SAMD5: variants seen among roughly 807,000 people sequenced by gnomAD.
SAMD5 encodes sterile alpha motif domain-containing protein 5.
A neutral mutation model predicts 11.3 loss-of-function variants in SAMD5; 13 were observed. The ratio of observed to expected loss-of-function variants is 1.15; its 90% CI spans 0.75 to 1.83. SAMD5 has a LOEUF of 1.83. SAMD5 is among the 40% of genes most tolerant of loss of function. The probability of loss-of-function intolerance (pLI) is 0.00; values close to 1 mark genes in which losing one functional copy is unlikely to be tolerated. For synonymous variants in SAMD5, 129 were observed against 111.3 expected, an observed-to-expected ratio of 1.16 and a Z score of -1.00; for missense variants, 255 against 239.1, an observed-to-expected ratio of 1.07 and a Z score of -0.44.
the SAMD5 span, among the ~76,000 whole-genome samples, chr6:147,833,897 T>C: frequency 6.6e-6 from 1 of 152,196 alleles, no homozygotes; most frequent in Non-Finnish European, 1.5e-5. Context: ...ATTGGTCCTC[T>C]GTCTCCAGTG....
chr6:147,933,693 T>G, the SAMD5 span, among the ~76,000 whole-genome samples: 3 of 148,766 alleles, frequency 2.0e-5, no homozygotes, highest in Admixed American at 2.0e-4. Flanking sequence ...CAAATGCCAC[T>G]TTTTAATATC....
At chr6:147,842,553 A>G in the SAMD5 span, among the ~76,000 whole-genome samples, 1 of 152,080 alleles carries the variant, frequency 6.6e-6, no homozygotes, top group Non-Finnish European at 1.5e-5. Flanking sequence ...CTAGAACCAT[A>G]CGAAATAAAT....
intron 1 of SAMD5, among the ~76,000 whole-genome samples, chr6:147,592,535 T>C (rs1415882425): frequency 1.3e-5 from 2 of 151,962 alleles, no homozygotes; most frequent in Non-Finnish European, 2.9e-5. Flanking sequence ...TGAACATAAT[T>C]TAAAGAATGA....
chr6:147,787,192 T>A, the SAMD5 span, among the ~76,000 whole-genome samples: 1 of 152,144 alleles, frequency 6.6e-6, no homozygotes, highest in Non-Finnish European at 1.5e-5. Context: ...AATCTCTCAA[T>A]GAAATGGCTA....
At chr6:147,684,997 T>C (rs1345408783) in intron 1 of SAMD5, among the ~76,000 whole-genome samples, 1 of 152,118 alleles carries the variant, frequency 6.6e-6, no homozygotes, top group African/African-American at 2.4e-5. Flanking sequence ...TTCTCTTTCT[T>C]TGTAAAAAAA....
At chr6:147,777,010 C>A in the SAMD5 span, among the ~76,000 whole-genome samples, 1 of 152,160 alleles carries the variant, frequency 6.6e-6, no homozygotes, top group Non-Finnish European at 1.5e-5. Flanking sequence ...AATCACCTCC[C>A]CAACTTGATT....
At chr6:147,811,726 A>G in the SAMD5 span, among the ~76,000 whole-genome samples, 3 of 152,146 alleles carry the variant, frequency 2.0e-5, no homozygotes, top group Non-Finnish European at 4.4e-5. Flanking sequence ...AAAAAATACC[A>G]ACAATGAACT....
At chr6:147,676,010 C>T (rs940162985) in intron 1 of SAMD5, 3 of 152,186 alleles carry the variant, frequency 2.0e-5, no homozygotes, top group African/African-American at 7.2e-5. Context: ...TTATTTTACA[C>T]TGCATGGTGA....
intron 1 of SAMD5, among the ~76,000 whole-genome samples, chr6:147,582,680 C>T (rs1010188900): frequency 1.3e-5 from 2 of 152,168 alleles, no homozygotes; most frequent in Non-Finnish European, 2.9e-5. Flanking sequence ...AAAGTGAAAG[C>T]CAGAATCAAG....
intron 1 of SAMD5, among the ~76,000 whole-genome samples, chr6:147,694,037 T>A (rs182859050): frequency 6.6e-6 from 1 of 152,116 alleles, no homozygotes; most frequent in African/African-American, 2.4e-5. Context: ...TACCAGGATG[T>A]TGTTTTTGTT....
intron 1 of SAMD5, among the ~76,000 whole-genome samples, chr6:147,703,971 C>T (rs937333091): frequency 2.0e-5 from 3 of 152,312 alleles, no homozygotes; most frequent in African/African-American, 4.8e-5. Flanking sequence ...TCTTGGCTCA[C>T]TGCAAGCTCC....
intron 1 of SAMD5, among the ~76,000 whole-genome samples, chr6:147,597,669 A>G (rs1789552464): frequency 6.6e-6 from 1 of 152,232 alleles, no homozygotes; most frequent in Non-Finnish European, 1.5e-5. Flanking sequence ...TTCTAGTCAT[A>G]TAAATTTCAT....
At chr6:147,575,580 A>C (rs192600620) in intron 1 of SAMD5, among the ~76,000 whole-genome samples, 2 of 152,378 alleles carry the variant, frequency 1.3e-5, no homozygotes, top group Non-Finnish European at 2.9e-5. Context: ...AAATATGTGC[A>C]TTCAAATCAA....
At chr6:147,779,002 T>TC in the SAMD5 span, among the ~76,000 whole-genome samples, 2,176 of 151,492 alleles carry the variant, frequency 0.014, 56 homozygotes, top group African/African-American at 0.051. Flanking sequence ...TTTTTTTTTT[T>TC]CCAAATAAAT....
chr6:147,880,771 C>T, the SAMD5 span, among the ~76,000 whole-genome samples: 4 of 152,014 alleles, frequency 2.6e-5, no homozygotes, highest in East Asian at 1.9e-4. Context: ...ACAGACTGTC[C>T]GTCATCCCAA....
At chr6:147,724,210 C>T (rs1253979442) in intron 1 of SAMD5, among the ~76,000 whole-genome samples, 1 of 152,206 alleles carries the variant, frequency 6.6e-6, no homozygotes, top group Non-Finnish European at 1.5e-5. Flanking sequence ...TCACTGCAAC[C>T]TCCTCCTCAA....
chr6:147,932,955 G>A, the SAMD5 span, among the ~76,000 whole-genome samples: 7 of 152,276 alleles, frequency 4.6e-5, no homozygotes, highest in Admixed American at 4.6e-4. Context: ...GGAGGCATAA[G>A]ATTCATCAAT....
At chr6:147,790,742 C>T in the SAMD5 span, among the ~76,000 whole-genome samples, 1 of 123,842 alleles carries the variant, frequency 8.1e-6, no homozygotes, top group African/African-American at 3.7e-5. Context: ...ATCTCTCTCT[C>T]TCTCTCTCTC....
chr6:147,548,355 TCTTA>T (rs910990228), intron 1 of SAMD5, among the ~76,000 whole-genome samples: 2 of 152,252 alleles, frequency 1.3e-5, no homozygotes, highest in Non-Finnish European at 2.9e-5. Flanking sequence ...CATATCACTC[TCTTA>T]CTGTCTTTCT....
Sources: allele counts gnomAD v4.1 joint callset (sites outside exome capture counted in the v4.1 genomes callset), GRCh38; gene constraint gnomAD v4.1.1; transcripts MANE v1.5; gene names NCBI Gene and HGNC (gene_info 2026-07-23, HGNC 2026-07-21).